The following EDEM2 variants were observed in gnomAD, a reference collection of about 807,000 sequenced individuals.
EDEM2 encodes the protein ER degradation-enhancing alpha-mannosidase-like protein 2.
EDEM2 carries 39 observed loss-of-function variants against 64.8 expected under a neutral mutation model. The observed-to-expected ratio is 0.60, with a 90% CI of 0.47 to 0.79. The LOEUF is 0.79. EDEM2 is among the 30% of genes least tolerant of loss of function. The pLI, the probability that EDEM2 is intolerant of heterozygous loss-of-function variation, is 0.00. For synonymous variants in EDEM2, 296 were observed against 291.5 expected (o/e 1.02, Z -0.16); for missense variants, 609 against 731.3 (o/e 0.83, Z 1.93).
chr20:35,140,419 G>A (rs1460741411), intron 4 of EDEM2, among the ~76,000 whole-genome samples: 1 of 152,060 alleles, frequency 6.6e-6, no homozygotes, highest in Non-Finnish European at 1.5e-5. Context: ...AGGAGGTGGA[G>A]GTGAGCCAAG....
rs576050427 is a variant in EDEM2 at position 35,131,718 on chromosome 20, G to A, written c.768C>T (p.Gly256=). The part of the protein sequence containing the change: ...WVAQDAGIGA[G]VDSYFEYLVK... ...CCAAGTACTCAAAGTAGGAGTCCACGCCAGCCCCGATGCCTGCGTCCTGGG... is the reference window on the plus strand; with the variant it reads ...CCAAGTACTCAAAGTAGGAGTCCACACCAGCCCCGATGCCTGCGTCCTGGG... The change falls in exon 7 of 11, where the codon GGC becomes GGT. Residue 256 remains glycine, a synonymous_variant. Coordinates refer to ENST00000374492, the MANE Select transcript of EDEM2 (RefSeq NM_018217.3). The A allele has an allele frequency of 5.2e-5, 84 of 1,614,154 alleles. No homozygotes were observed. The East Asian group carries it at 1.4e-3, about 27-fold the overall frequency.
chr20:35,128,699 T>C (rs931730225), intron 7 of EDEM2, among the ~76,000 whole-genome samples: 1 of 150,306 alleles, frequency 6.7e-6, no homozygotes, highest in Non-Finnish European at 1.5e-5. Context: ...CAGGATAACA[T>C]GGGGAAGTGG....
At chr20:35,144,660 T>C (rs1466234273) in intron 3 of EDEM2, among the ~76,000 whole-genome samples, 1 of 152,192 alleles carries the variant, frequency 6.6e-6, no homozygotes, top group Admixed American at 6.5e-5. Context: ...TCATTGAACA[T>C]GGCCACTAGA....
At chr20:35,133,683 T>C (rs544463038) in intron 6 of EDEM2, among the ~76,000 whole-genome samples, 2 of 152,200 alleles carry the variant, frequency 1.3e-5, no homozygotes, top group East Asian at 1.9e-4. Context: ...GTCAGGCTGG[T>C]CTCGAACTCC....
At position 35,129,003 on chromosome 20, in the gene EDEM2, G is replaced by A. The variant is rs982580398; in HGVS notation, c.845-2628C>T. Among the ~76,000 whole-genome samples, 63 of 152,186 alleles carry A rather than the reference G, an allele frequency of 4.1e-4. 2 individuals carry two copies. The highest frequency in any genetic ancestry group is 1.9e-4 in the Non-Finnish European group (13 of 68,006). On this transcript the variant is annotated intron_variant, in intron 7 of 10. Transcript: ENST00000374492. ...TTGGAGGCCAGGCATGGTGGCTCAC[G>A]CCTCTAATCCCAGCACTTTGGGAGG...
intron 6 of EDEM2, among the ~76,000 whole-genome samples, chr20:35,132,482 T>C (rs940828833): frequency 2.6e-5 from 4 of 151,984 alleles, no homozygotes; most frequent in African/African-American, 9.6e-5. Flanking sequence ...GGTAAAACCC[T>C]GTCTCTAATA....
In EDEM2 at chr20:35,123,885, C is replaced by T; in HGVS notation, c.1114+5G>A. On this transcript the variant is annotated splice_donor_5th_base_variant and intron_variant, in intron 9 of 10. Transcript: ENST00000374492. ...GGCAGATGACAAGCCAGAAATGCTG[C>T]TCACCTGGCCGAAGTGGGTAGCCCT... 6.2e-7 allele frequency: 1 copy of T among 1,613,282 alleles called. No homozygotes were observed. Among genetic ancestry groups the T allele is most frequent in the Non-Finnish European group, 8.5e-7 (1 of 1,179,638 alleles).
In EDEM2 at chr20:35,146,852, G is replaced by A; in HGVS notation, c.191C>T (p.Thr64Ile). 6.2e-7 allele frequency: 1 copy of A among 1,614,140 alleles called. No homozygotes were observed. The highest frequency in any genetic ancestry group is 8.5e-7 in the Non-Finnish European group (1 of 1,180,008). ...AFPFDELRPLTCDGHDTWGSF... is the reference protein window; with the variant it reads ...AFPFDELRPLICDGHDTWGSF... ...GCCCCAGGTGTCGTGCCCGTCACAG[G>A]TGAGAGGTCGCAGCTCATCGAAGGG... Residue 64 changes from threonine (T) to isoleucine (I), a missense_variant, in exon 2 of 11, where the codon ACC becomes ATC. Coordinates refer to ENST00000374492, the MANE Select transcript of EDEM2 (RefSeq NM_018217.3).
At chr20:35,133,457 C>G (rs2085533414) in intron 6 of EDEM2, among the ~76,000 whole-genome samples, 1 of 151,192 alleles carries the variant, frequency 6.6e-6, no homozygotes, top group African/African-American at 2.4e-5. Flanking sequence ...CTACAGGTCT[C>G]CAGCGGGGCA....
chr20:35,121,555 C>A (rs1169804932), intron 9 of EDEM2, among the ~76,000 whole-genome samples: 1 of 152,156 alleles, frequency 6.6e-6, no homozygotes, highest in Non-Finnish European at 1.5e-5. Flanking sequence ...TTGGGGAATC[C>A]CTGCTCTAGA....
chr20:35,126,408 G>A, intron 7 of EDEM2, 33 bp from the exon 8 acceptor site: 1 of 1,611,394 alleles, frequency 6.2e-7, no homozygotes, highest in Non-Finnish European at 8.5e-7. Context: ...ATGGACATAT[G>A]AGTGATTAGG....
At chr20:35,136,418 C>G (rs75648520) in intron 5 of EDEM2, among the ~76,000 whole-genome samples, 1 of 152,066 alleles carries the variant, frequency 6.6e-6, no homozygotes, top group Non-Finnish European at 1.5e-5. Context: ...CTAGCTCACC[C>G]GCTATCCTCA....
At chr20:35,146,473 C>T (rs760630735) in intron 2 of EDEM2, among the ~76,000 whole-genome samples, 1 of 152,138 alleles carries the variant, frequency 6.6e-6, no homozygotes, top group Non-Finnish European at 1.5e-5. Context: ...CTTCCTGGAT[C>T]TGAATGCCCA....
chr20:35,137,078 AG>A (rs1413699638), intron 5 of EDEM2, among the ~76,000 whole-genome samples: 3 of 152,162 alleles, frequency 2.0e-5, no homozygotes, highest in Admixed American at 6.6e-5. Flanking sequence ...CCGATGTGGT[AG>A]GGAAGTAGAA....
intron 3 of EDEM2, among the ~76,000 whole-genome samples, chr20:35,144,522 T>C (rs944391519): frequency 1.3e-4 from 19 of 151,548 alleles, no homozygotes; most frequent in African/African-American, 4.6e-4. Context: ...TTAATAGAGA[T>C]GGAGTTTCAC....
intron 3 of EDEM2, among the ~76,000 whole-genome samples, chr20:35,142,713 C>A (rs756043577): frequency 6.6e-6 from 1 of 152,122 alleles, no homozygotes; most frequent in African/African-American, 2.4e-5. Flanking sequence ...ACGATGTTGT[C>A]ATTTAAATGG....
rs999104611 is a variant in EDEM2, at chr20:35,144,911, G to T, written c.258+68C>A. ...GAATTCATTTTTCACCCACAGTCAC[G>T]CTGCCAAAAGAGGAAGGATGTTGGT... On this transcript the variant is annotated intron_variant, in intron 3 of 10. Transcript: ENST00000374492. 5 of 1,545,244 alleles carry T rather than the reference G, an allele frequency of 3.2e-6. No homozygotes were observed. In the East Asian group the frequency reaches 9.0e-5, roughly 28 times the overall value.
intron 10 of EDEM2, 141 bp downstream of exon 10, chr20:35,118,457 T>A (rs773411333): frequency 7.8e-7 from 1 of 1,283,776 alleles, no homozygotes; most frequent in Non-Finnish European, 1.1e-6. Context: ...TCTCCCCATC[T>A]GTAAAATATG....
intron 2 of EDEM2, among the ~76,000 whole-genome samples, chr20:35,145,804 G>A (rs1050582784): frequency 2.0e-5 from 3 of 152,120 alleles, no homozygotes; most frequent in Non-Finnish European, 4.4e-5. Flanking sequence ...GAGGTCAGGA[G>A]TTCAAGACCA....
Sources: allele counts gnomAD v4.1 joint callset (sites outside exome capture counted in the v4.1 genomes callset), GRCh38; gene constraint gnomAD v4.1.1; transcripts MANE v1.5; gene names NCBI Gene and HGNC (gene_info 2026-07-23, HGNC 2026-07-21).